The following NDUFAF2 variants were observed in gnomAD, a reference collection of about 807,000 sequenced individuals.
NDUFAF2 encodes the protein NADH dehydrogenase [ubiquinone] 1 alpha subcomplex assembly factor 2.
NDUFAF2 carries 13 observed loss-of-function variants against 22.8 expected under a neutral mutation model. The ratio of observed to expected loss-of-function variants is 0.57; its 90% confidence interval spans 0.37 to 0.91. The LOEUF (loss-of-function observed/expected upper bound fraction) is 0.91, where lower values mean the gene tolerates loss of function less well. Ranked by LOEUF, NDUFAF2 falls within the 40% of genes least tolerant of loss-of-function variation. The pLI is 0.01. For missense variants in NDUFAF2, 162 were observed against 195.2 expected (o/e 0.83, Z 1.01); for synonymous variants, 53 against 64.2 (o/e 0.83, Z 0.84).
At chr5:60,957,435 C>T (rs1220405492) in intron 1 of NDUFAF2, among the ~76,000 whole-genome samples, 2 of 151,972 alleles carry the variant, frequency 1.3e-5, no homozygotes, top group Non-Finnish European at 2.9e-5. Flanking sequence ...GATATCCAGC[C>T]ATTCACATTT....
chr5:61,118,824 G>A (rs1289046939), intron 3 of NDUFAF2, among the ~76,000 whole-genome samples: 1 of 152,122 alleles, frequency 6.6e-6, no homozygotes, highest in East Asian at 1.9e-4. Context: ...TATTGTAAAA[G>A]TATGAAAACA....
intron 1 of NDUFAF2, among the ~76,000 whole-genome samples, chr5:60,956,633 T>A (rs1302991470): frequency 6.6e-6 from 1 of 152,174 alleles, no homozygotes; most frequent in Non-Finnish European, 1.5e-5. Flanking sequence ...TTTTGTTGAT[T>A]TGGTATATCA....
At chr5:60,997,797 T>C (rs559193868) in intron 1 of NDUFAF2, among the ~76,000 whole-genome samples, 124 of 152,316 alleles carry the variant, frequency 8.1e-4, no homozygotes, top group Middle Eastern at 6.8e-3. Context: ...CCCTCTTATA[T>C]TCTTTCTTTA....
chr5:60,963,304 TA>T (rs1750715532), intron 1 of NDUFAF2, among the ~76,000 whole-genome samples: 1 of 152,202 alleles, frequency 6.6e-6, no homozygotes, highest in Non-Finnish European at 1.5e-5. Context: ...TTCCTACACG[TA>T]CTAGGAACTT....
chr5:61,141,742 G>A (rs1007925207), intron 3 of NDUFAF2, among the ~76,000 whole-genome samples: 12 of 152,124 alleles, frequency 7.9e-5, no homozygotes, highest in Non-Finnish European at 2.9e-5. Flanking sequence ...AGCTCCTGTT[G>A]TCCCCTGCAA....
At chr5:60,999,058 G>T (rs924114839) in intron 1 of NDUFAF2, among the ~76,000 whole-genome samples, 16 of 151,918 alleles carry the variant, frequency 1.1e-4, no homozygotes, top group Non-Finnish European at 2.1e-4. Flanking sequence ...GAAGACCAAT[G>T]AAAGTTGAGT....
At chr5:61,077,645 G>C (rs1248115949) in intron 2 of NDUFAF2, among the ~76,000 whole-genome samples, 2 of 152,142 alleles carry the variant, frequency 1.3e-5, no homozygotes, top group Admixed American at 6.5e-5. Context: ...AGAGAATTTT[G>C]TAATAGTGAT....
rs75040034 is a variant in NDUFAF2 at position 61,140,702 on chromosome 5, C to A, written c.259-12002C>A. On this transcript the variant is annotated intron_variant, in intron 3 of 3. Transcript: ENST00000296597. Reference sequence around the variant, plus strand: ...TTTCACCATCACTTTCAGGGTGAAACCTAAATATCCTAACACTGCATTACA... The same window carrying A: ...TTTCACCATCACTTTCAGGGTGAAAACTAAATATCCTAACACTGCATTACA... 3.7e-3 allele frequency among the ~76,000 whole-genome samples: 564 copies of A among 152,290 alleles called. 6 individuals carry two copies. Among genetic ancestry groups the A allele is most frequent in the Non-Finnish European group, 5.4e-3 (367 of 68,034 alleles).
chr5:61,098,971 A>G lies in NDUFAF2; in HGVS notation c.218-21A>G, dbSNP rs373290268. ...TGTAAATTATGGGAAACTGACATTTAAATATTATTTTTCTTTCTAGCTTGG... is the reference window on the plus strand; with the variant it reads ...TGTAAATTATGGGAAACTGACATTTGAATATTATTTTTCTTTCTAGCTTGG... On this transcript the variant is annotated intron_variant, in intron 2 of 3. Coordinates refer to ENST00000296597, the MANE Select transcript of NDUFAF2 (RefSeq NM_174889.5). 11 of 1,587,606 alleles carry G rather than the reference A, an allele frequency of 6.9e-6. No individual in the cohort carries two copies. In the African/African-American group the frequency reaches 1.3e-4, roughly 19 times the overall value.
chr5:60,982,457 G>C (rs1254771324), intron 1 of NDUFAF2, among the ~76,000 whole-genome samples: 3 of 151,878 alleles, frequency 2.0e-5, no homozygotes, highest in African/African-American at 7.3e-5. Context: ...GTACAGGTTT[G>C]TTACATATGT....
chr5:60,964,221 A>G, intron 1 of NDUFAF2, among the ~76,000 whole-genome samples: 1 of 152,190 alleles, frequency 6.6e-6, no homozygotes, highest in East Asian at 1.9e-4. Flanking sequence ...TCCCCAAATC[A>G]ACCAAATGTT....
intron 3 of NDUFAF2, chr5:61,116,819 A>G (rs1419122372): frequency 6.6e-6 from 1 of 152,172 alleles, no homozygotes; most frequent in East Asian, 1.9e-4. Context: ...ATGAAAGGCA[A>G]CCAGTCCAGG....
At chr5:61,135,234 G>A (rs942924607) in intron 3 of NDUFAF2, among the ~76,000 whole-genome samples, 3 of 151,742 alleles carry the variant, frequency 2.0e-5, no homozygotes, top group Non-Finnish European at 2.9e-5. Context: ...CTCAGACTAT[G>A]AACTTTTTAC....
chr5:61,046,474 T>G (rs1751955695), intron 1 of NDUFAF2, among the ~76,000 whole-genome samples: 1 of 152,180 alleles, frequency 6.6e-6, no homozygotes, highest in African/African-American at 2.4e-5. Context: ...CTCTCCTGAC[T>G]CATTACTGAT....
intron 1 of NDUFAF2, among the ~76,000 whole-genome samples, chr5:61,007,847 G>A (rs981442503): frequency 1.3e-5 from 2 of 152,128 alleles, no homozygotes; most frequent in African/African-American, 4.8e-5. Flanking sequence ...AAAGACACAT[G>A]CACACGTATG....
intron 1 of NDUFAF2, among the ~76,000 whole-genome samples, chr5:61,052,999 T>C (rs1752044525): frequency 6.6e-6 from 1 of 152,256 alleles, no homozygotes; most frequent in African/African-American, 2.4e-5. Context: ...AAGTTTTCTC[T>C]AGTGCATTGT....
intron 2 of NDUFAF2, among the ~76,000 whole-genome samples, chr5:61,082,833 C>T (rs767521226): frequency 6.6e-4 from 100 of 152,070 alleles, no homozygotes; most frequent in Admixed American, 3.1e-3. Flanking sequence ...AATAACCGTG[C>T]GAATGCATGT....
chr5:61,144,711 TC>T (rs1182450204), intron 3 of NDUFAF2, among the ~76,000 whole-genome samples: 1 of 152,148 alleles, frequency 6.6e-6, no homozygotes, highest in Non-Finnish European at 1.5e-5. Flanking sequence ...AAACTTATCT[TC>T]CAGTCATGAT....
rs147982110 is a variant in NDUFAF2, at chr5:61,054,044, T to C, written c.128-19081T>C. 5.8e-3 allele frequency among the ~76,000 whole-genome samples: 875 copies of C among 151,986 alleles called. 10 individuals are homozygous for C. The highest frequency in any genetic ancestry group is 0.01 in the Middle Eastern group (3 of 292). On this transcript the variant is annotated intron_variant, in intron 1 of 3. Coordinates refer to ENST00000296597, the MANE Select transcript of NDUFAF2 (RefSeq NM_174889.5). Reference sequence around the variant, plus strand: ...CACGAGACCCCATCTCTACAAAAAATTTAAAACTTAGCTGGGCACGTTGGC... The same window carrying C: ...CACGAGACCCCATCTCTACAAAAAACTTAAAACTTAGCTGGGCACGTTGGC...
Sources: gnomAD v4.1 joint callset for allele counts (sites outside exome capture counted in the v4.1 genomes callset) on GRCh38, gnomAD v4.1.1 for gene constraint, MANE v1.5 for transcripts, NCBI Gene and HGNC (gene_info 2026-07-23, HGNC 2026-07-21) for gene names.